The following SIN3A variants were observed in gnomAD, a reference collection of about 807,000 sequenced individuals.
SIN3A encodes paired amphipathic helix protein Sin3a.
In SIN3A, 14 loss-of-function variants were observed where a neutral mutation model predicts 146.1. The observed-to-expected ratio is 0.10, with a 90% confidence interval of 0.06 to 0.15. The LOEUF is 0.15. Ranked by LOEUF, SIN3A falls within the 10% of genes least tolerant of loss-of-function variation. The probability of loss-of-function intolerance (pLI) is 1.00; values close to 1 mark genes in which losing one functional copy is unlikely to be tolerated. For missense variants in SIN3A, 1,028 were observed against 1,576.0 expected, an observed-to-expected ratio of 0.65 and a Z score of 5.89; for synonymous variants, 572 against 572.0, an observed-to-expected ratio of 1.00 and a Z score of 0.00.
At chr15:75,434,364 A>T (rs946037336) in intron 1 of SIN3A, among the ~76,000 whole-genome samples, 1 of 152,146 alleles carries the variant, frequency 6.6e-6, no homozygotes, top group Non-Finnish European at 1.5e-5. Flanking sequence ...AAACGTGTAA[A>T]GTAGGCCGGG....
chr15:75,399,786 T>G (rs748915567), intron 12 of SIN3A, among the ~76,000 whole-genome samples: 1 of 152,226 alleles, frequency 6.6e-6, no homozygotes, highest in Non-Finnish European at 1.5e-5. Context: ...AAAAGAACTA[T>G]TATTTAGTCA....
intron 10 of SIN3A, 30 bp from the exon 11 acceptor site, chr15:75,400,970 A>G: frequency 6.6e-7 from 1 of 1,511,390 alleles, no homozygotes. Flanking sequence ...AGTGACAAGC[A>G]ATTAGGGGCA....
At chr15:75,383,574 G>T (rs2141393638) in intron 17 of SIN3A, among the ~76,000 whole-genome samples, 1 of 151,356 alleles carries the variant, frequency 6.6e-6, no homozygotes, top group Admixed American at 6.6e-5. Context: ...TGTCTCCCAG[G>T]CTGGAGTGCA....
chr15:75,418,855 C>T (rs530571556), intron 3 of SIN3A, among the ~76,000 whole-genome samples: 4 of 151,790 alleles, frequency 2.6e-5, no homozygotes, highest in Non-Finnish European at 5.9e-5. Flanking sequence ...CCCGGGTTCA[C>T]GCCATTCTCC....
At position 75,400,881 on chromosome 15, in the gene SIN3A, T is replaced by G; in HGVS notation, c.1586A>C (p.His529Pro). 6.2e-7 allele frequency: 1 copy of G among 1,614,182 alleles called. No homozygotes were observed. Among genetic ancestry groups the G allele is most frequent in the Non-Finnish European group, 8.5e-7 (1 of 1,180,040 alleles). Residue 529 changes from histidine (H) to proline (P), a missense_variant, in exon 11 of 21, where the codon CAT (histidine) becomes CCT (proline). Transcript: ENST00000394947. The part of the protein sequence containing the change: ...KNFLGYKESV[H>P]LETYPKERAT... The stretch of plus-strand genomic sequence containing the variant: ...TCGCTCCTTTGGATAAGTTTCCAGA[T>G]GTACAGACTCCTTATAGCCCAGAAA...
intron 1 of SIN3A, among the ~76,000 whole-genome samples, chr15:75,450,142 C>CA (rs1411998875): frequency 6.6e-6 from 1 of 151,552 alleles, no homozygotes. Flanking sequence ...ATACAACTGT[C>CA]AGAGATATCG....
rs1245707672 is a variant in SIN3A, at chr15:75,407,148, C to A, written c.1318-4G>T. Reference sequence around the variant, plus strand: ...GATTGAGCAGTTTGGGTTTCTTCTGCAAAAGAAAGATACAAACATGTGAGA... The same window carrying A: ...GATTGAGCAGTTTGGGTTTCTTCTGAAAAAGAAAGATACAAACATGTGAGA... On this transcript the variant is annotated splice_region_variant and splice_polypyrimidine_tract_variant and intron_variant, in intron 8 of 20. Transcript: ENST00000394947. 1 of 1,593,480 alleles carries A rather than the reference C, an allele frequency of 6.3e-7. No homozygotes were observed. The highest frequency in any genetic ancestry group is 8.6e-7 in the Non-Finnish European group (1 of 1,163,622).
At chr15:75,418,117 C>T (rs1258853799) in intron 3 of SIN3A, among the ~76,000 whole-genome samples, 3 of 151,944 alleles carry the variant, frequency 2.0e-5, no homozygotes, top group South Asian at 2.1e-4. Context: ...ATACAACCTC[C>T]GCCTCCCGGG....
At position 75,433,969 on chromosome 15, in the gene SIN3A, GA is replaced by G. The variant is rs534782901; in HGVS notation, c.-33-3562del. Among the ~76,000 whole-genome samples the G allele has an allele frequency of 5.9e-5, 9 of 152,250 alleles. No homozygotes were observed. In the South Asian group the frequency reaches 1.9e-3, roughly 32 times the overall value. On this transcript the variant is annotated intron_variant, in intron 1 of 20. Transcript: ENST00000394947. ...ATAAGCAAGGTGTTCTCTAATTTATGAATGAGGAAACTGAAAAACAAAGATT... is the reference window on the plus strand; with the variant it reads ...ATAAGCAAGGTGTTCTCTAATTTATGATGAGGAAACTGAAAAACAAAGATT...
At chr15:75,384,221 C>T in intron 17 of SIN3A, 43 bp downstream of exon 17, 1 of 1,510,292 alleles carries the variant, frequency 6.6e-7, no homozygotes. Flanking sequence ...TAACAACTGA[C>T]ATTGTCACCA....
At position 75,407,047 on chromosome 15, in the gene SIN3A, T is replaced by C. The variant is rs2073529399; in HGVS notation, c.1407+8A>G. The C allele has an allele frequency of 6.3e-7, 1 of 1,585,450 alleles. No homozygotes were observed. Among genetic ancestry groups the C allele is most frequent in the Non-Finnish European group, 8.7e-7 (1 of 1,155,472 alleles). ...GGCACTATCAAATCTAACTCATCCATTACTCACCTTATCAAAAAATAACGA... is the reference window on the plus strand; with the variant it reads ...GGCACTATCAAATCTAACTCATCCACTACTCACCTTATCAAAAAATAACGA... On this transcript the variant is annotated splice_region_variant and intron_variant, in intron 9 of 20. Transcript: ENST00000394947.
chr15:75,427,514 G>T (rs1351920440), intron 2 of SIN3A, among the ~76,000 whole-genome samples: 2 of 151,502 alleles, frequency 1.3e-5, no homozygotes, highest in African/African-American at 4.9e-5. Flanking sequence ...ACAAAAATTA[G>T]CTGGGCGTGG....
intron 2 of SIN3A, among the ~76,000 whole-genome samples, chr15:75,427,689 G>C (rs986643323): frequency 1.3e-5 from 2 of 151,218 alleles, no homozygotes; most frequent in African/African-American, 4.9e-5. Context: ...AATAAAATAG[G>C]CTAGGCGTGG....
chr15:75,375,965 T>C, intron 19 of SIN3A, 93 bp from the exon 20 acceptor site: 7 of 1,244,786 alleles, frequency 5.6e-6, no homozygotes, highest in Admixed American at 1.7e-5. Context: ...TATGCTTGCA[T>C]AGTACTCATC....
chr15:75,401,184 A>T (rs777618197), intron 10 of SIN3A, among the ~76,000 whole-genome samples: 11 of 152,206 alleles, frequency 7.2e-5, no homozygotes, highest in Non-Finnish European at 1.6e-4. Context: ...CATTCTTTTG[A>T]TCAAGAATAT....
chr15:75,421,703 C>A (rs1004540175), intron 3 of SIN3A: 3 of 152,220 alleles, frequency 2.0e-5, no homozygotes, highest in Non-Finnish European at 4.4e-5. Context: ...GATTTAACAT[C>A]TCTTCAGAGT....
At chr15:75,377,442 TG>T (rs1006582758) in intron 19 of SIN3A, among the ~76,000 whole-genome samples, 1 of 151,940 alleles carries the variant, frequency 6.6e-6, no homozygotes, top group African/African-American at 2.4e-5. Flanking sequence ...CTGGCCAACA[TG>T]GGGAGACCTC....
In SIN3A at chr15:75,449,318, GTACC is replaced by G. The variant is rs2074360507; in HGVS notation, c.-34+2101_-34+2104del. Among the ~76,000 whole-genome samples, 6 of 152,104 alleles carry G rather than the reference GTACC, an allele frequency of 3.9e-5. No homozygotes were observed. In the South Asian group the frequency reaches 1.0e-3, roughly 26 times the overall value. ...CCTTTTCACATAAATATAGCACAGG[GTACC>G]ACTCAGGCCCTACTAACCAAAGCAC... On this transcript the variant is annotated intron_variant, in intron 1 of 20. Transcript: ENST00000394947.
chr15:75,427,645 CAGAG>C (rs1002467048), intron 2 of SIN3A, among the ~76,000 whole-genome samples: 1 of 148,298 alleles, frequency 6.7e-6, no homozygotes, highest in East Asian at 2.0e-4. Flanking sequence ...GGGCAACAGA[CAGAG>C]AGTCTGTCTC....
Sources: allele counts gnomAD v4.1 joint callset (sites outside exome capture counted in the v4.1 genomes callset), GRCh38; gene constraint gnomAD v4.1.1; transcripts MANE v1.5; gene names NCBI Gene and HGNC (gene_info 2026-07-23, HGNC 2026-07-21).